The following CCDC88B variants were observed in gnomAD, a reference collection of about 807,000 sequenced individuals.
CCDC88B encodes coiled-coil domain-containing protein 88B.
A neutral mutation model predicts 183.7 loss-of-function variants in CCDC88B; 138 were observed. That is an observed-to-expected ratio of 0.75 (90% CI 0.65 to 0.87). The LOEUF (loss-of-function observed/expected upper bound fraction) is 0.87, where lower values mean the gene tolerates loss of function less well. CCDC88B is among the 40% of genes least tolerant of loss of function. CCDC88B has a pLI of 0.00. For synonymous variants in CCDC88B, 835 were observed against 867.5 expected, an observed-to-expected ratio of 0.96 and a Z score of 0.66; for missense variants, 1,822 against 1,965.6, an observed-to-expected ratio of 0.93 and a Z score of 1.38.
intron 14 of CCDC88B, among the ~76,000 whole-genome samples, chr11:64,346,277 T>C (rs1306065385): frequency 1.3e-5 from 2 of 151,994 alleles, no homozygotes; most frequent in Non-Finnish European, 2.9e-5. Flanking sequence ...CTGGACACTT[T>C]TTTCTTTTTG....
At position 64,344,125 on chromosome 11, in the gene CCDC88B, G is replaced by C. The variant is rs2135306490; in HGVS notation, c.1584G>C (p.Gln528His). Residue 528 changes from glutamine (Q) to histidine (H), a missense_variant, in exon 14 of 27, where the codon CAG becomes CAC. By Grantham distance (24) the Gln-to-His change is conservative (BLOSUM62 0). Coordinates refer to ENST00000356786, the MANE Select transcript of CCDC88B (RefSeq NM_032251.6). This position sits in a 1 kb window ranked among gnomAD's most constrained non-coding sequence, Gnocchi z 4.5. Reference sequence around the variant, plus strand: ...AGAAGGCAAGGGATGGAGGCCCCCAGGCCTTGGACTTGGCTCCCCCGGCAT... The same window carrying C: ...AGAAGGCAAGGGATGGAGGCCCCCACGCCTTGGACTTGGCTCCCCCGGCAT... ...LVQKARDGGPQALDLAPPALD... is the reference protein window; with the variant it reads ...LVQKARDGGPHALDLAPPALD... 1.2e-6 allele frequency: 2 copies of C among 1,613,350 alleles called. No individual in the cohort carries two copies. Among genetic ancestry groups the C allele is most frequent in the East Asian group, 4.5e-5 (2 of 44,858 alleles).
chr11:64,348,158 A>T (rs910717869), intron 14 of CCDC88B, among the ~76,000 whole-genome samples: 5 of 150,766 alleles, frequency 3.3e-5, no homozygotes, highest in Non-Finnish European at 7.4e-5. Context: ...GACCTGTTCC[A>T]TGGGAGGGAA....
intron 20 of CCDC88B, 61 bp downstream of exon 20, chr11:64,352,948 G>C (rs1452181838): frequency 1.9e-5 from 29 of 1,513,156 alleles, no homozygotes; most frequent in Non-Finnish European, 1.5e-5. Flanking sequence ...AGTGGGTTGG[G>C]GGTGTGGGGT....
intron 14 of CCDC88B, 95 bp downstream of exon 14, chr11:64,345,252 C>G: frequency 1.5e-6 from 2 of 1,348,788 alleles, no homozygotes; most frequent in Non-Finnish European, 2.0e-6. Flanking sequence ...AGTGGGTGCC[C>G]AGCACTGAGC....
intron 14 of CCDC88B, chr11:64,348,846 C>T (rs527702960): frequency 3.0e-5 from 18 of 604,324 alleles, no homozygotes; most frequent in South Asian, 1.2e-4. Context: ...AGCATCCTGG[C>T]GCCCCCTGCC....
At chr11:64,345,764 T>C (rs1479022997) in intron 14 of CCDC88B, among the ~76,000 whole-genome samples, 1 of 152,136 alleles carries the variant, frequency 6.6e-6, no homozygotes, top group African/African-American at 2.4e-5. Flanking sequence ...CCCAGCACTT[T>C]GGGAGGCCGA....
intron 8 of CCDC88B, 23 bp from the exon 9 acceptor site, chr11:64,342,271 C>A: frequency 6.4e-7 from 1 of 1,574,434 alleles, no homozygotes; most frequent in Non-Finnish European, 8.6e-7. Flanking sequence ...CCCAGACCCT[C>A]CCTAGACTCC....
intron 24 of CCDC88B, among the ~76,000 whole-genome samples, chr11:64,354,739 T>G (rs2036481116): frequency 1.8e-5 from 1 of 55,232 alleles, no homozygotes; most frequent in African/African-American, 7.4e-5. Context: ...CCCCCTCTTC[T>G]GACCCCCTCC....
In CCDC88B at chr11:64,357,311, A is replaced by G; in HGVS notation, c.*217A>G. 1 of 725,692 alleles carries G rather than the reference A, an allele frequency of 1.4e-6. No individual in the cohort carries two copies. The highest frequency in any genetic ancestry group is 2.5e-6 in the Non-Finnish European group (1 of 392,408). 45.0% of individuals were successfully genotyped at this position (725,692 alleles called of 1,614,324 possible). ...GGGGGGATGGCTGGCCCCCACGAGC[A>G]GCTCCAGGCTGGAGTTCTGGTTCTT... On this transcript the variant is annotated 3_prime_UTR_variant, in exon 27 of 27. Transcript: ENST00000356786.
chr11:64,341,142 C>G lies in CCDC88B; in HGVS notation c.352C>G (p.Pro118Ala). ...GCAGCTGCTGATCCTGTCGCCACCC[C>G]CAGACCTCCAGACATTGGGATTTGA... ...ELQLLILSPPPDLQTLGFDPL... is the reference protein window; with the variant it reads ...ELQLLILSPPADLQTLGFDPL... Residue 118 changes from proline (P) to alanine (A), a missense_variant, in exon 4 of 27, where the codon CCA becomes GCA. Pro to Ala is a conservative substitution (Grantham distance 27, BLOSUM62 -1). Coordinates refer to ENST00000356786, the MANE Select transcript of CCDC88B (RefSeq NM_032251.6). The G allele has an allele frequency of 6.2e-7, 1 of 1,614,132 alleles. No individual in the cohort carries two copies. Among genetic ancestry groups the G allele is most frequent in the Non-Finnish European group, 8.5e-7 (1 of 1,180,014 alleles).
chr11:64,355,405 G>A lies in CCDC88B; in HGVS notation c.4306+5G>A, dbSNP rs1365332725. On this transcript the variant is annotated splice_donor_5th_base_variant and intron_variant, in intron 25 of 26. Coordinates refer to ENST00000356786, the MANE Select transcript of CCDC88B (RefSeq NM_032251.6). ...CGCCCGTCTCCCACAGCAAAGGTGA[G>A]GGACAAGGGTCACTGTACCAGCCAG... The A allele has an allele frequency of 1.3e-5, 20 of 1,592,276 alleles. No individual in the cohort carries two copies. Among genetic ancestry groups the A allele is most frequent in the Non-Finnish European group, 1.6e-5 (19 of 1,170,130 alleles).
At position 64,354,146 on chromosome 11, in the gene CCDC88B, G is replaced by A. The variant is rs987965627; in HGVS notation, c.4075G>A (p.Glu1359Lys). ...LGGPPETELP[E>K]GREADGTGSP... ...GGGCCCCCCGGAGACGGAGCTTCCT[G>A]AGGGCAGGGAGGCAGATGGGACAGG... The change falls in exon 24 of 27, where the codon GAG becomes AAG. Residue 1359 changes from glutamate to lysine, a missense_variant. By Grantham distance (56) the Glu-to-Lys change is moderately conservative. Transcript: ENST00000356786. 1 of 1,370,036 alleles carries A rather than the reference G, an allele frequency of 7.3e-7. No homozygotes were observed. The highest frequency in any genetic ancestry group is 9.5e-7 in the Non-Finnish European group (1 of 1,055,038). 84.9% of individuals were successfully genotyped at this position (1,370,036 alleles called of 1,614,324 possible). A position where few individuals can be genotyped will look rare whatever the true frequency, so the allele number is the denominator to read the frequency against.
chr11:64,353,262 G>A (rs1230244146), intron 21 of CCDC88B, 22 bp downstream of exon 21: 3 of 1,565,728 alleles, frequency 1.9e-6, no homozygotes, highest in Non-Finnish European at 2.6e-6. Context: ...GGGCCGGTGG[G>A]GGTATGGGCG....
chr11:64,342,710 G>A (rs1488191576), intron 10 of CCDC88B, 30 bp downstream of exon 10: 2 of 1,451,606 alleles, frequency 1.4e-6, no homozygotes, highest in Non-Finnish European at 1.8e-6. Context: ...GCGGGGCGGG[G>A]CGTGCGCGAG....
chr11:64,349,974 G>A (rs2036265926), intron 16 of CCDC88B: 2 of 433,492 alleles, frequency 4.6e-6, no homozygotes, highest in East Asian at 7.9e-5. Flanking sequence ...CATCAAGGAA[G>A]CCAGCGATGG....
At chr11:64,350,111 A>G (rs937477352) in intron 16 of CCDC88B, 4 of 194,264 alleles carry the variant, frequency 2.1e-5, no homozygotes, top group South Asian at 2.1e-4. Context: ...ACAGGTGACA[A>G]TAACTAGGTG....
rs774982782 is a variant in CCDC88B, at chr11:64,342,312, G to A, written c.840G>A (p.Leu280=). The A allele has an allele frequency of 1.9e-6, 3 of 1,592,316 alleles. No individual in the cohort carries two copies. Among genetic ancestry groups the A allele is most frequent in the Non-Finnish European group, 2.6e-6 (3 of 1,170,040 alleles). Residue 280 remains leucine, a synonymous_variant, in exon 9 of 27, where the codon CTG becomes CTA. Transcript: ENST00000356786. The part of the protein sequence containing the change: ...LRQELEEKAE[L]LLDSQAEVQG... ...CCTCCAGGGAGGAGAAGGCCGAGCT[G>A]CTGCTAGACTCCCAGGCCGAGGTGC...
Position 64,345,060 on chromosome 11 carries a change from A to G in CCDC88B, c.2519A>G (p.Glu840Gly). 6.5e-7 allele frequency: 1 copy of G among 1,549,574 alleles called. No individual in the cohort carries two copies. ...GGGTCCAGGCTGCGGGCCCAGTCGG[A>G]GGCCGCCGAGGAACGGATGCAGGTG... Reference protein sequence around the residue: ...REGSRLRAQSEAAEERMQVLE... With the variant: ...REGSRLRAQSGAAEERMQVLE... Residue 840 changes from glutamate (E) to glycine (G), a missense_variant, in exon 14 of 27, where the codon GAG becomes GGG. Transcript: ENST00000356786.
At chr11:64,342,869 A>C in intron 10 of CCDC88B, 189 bp downstream of exon 10, 18 of 232,532 alleles carry the variant, frequency 7.7e-5, no homozygotes, top group East Asian at 2.0e-4. Context: ...GGGCAGGTGT[A>C]GGGGAGTGGG....
Sources: gnomAD v4.1 joint callset for allele counts (sites outside exome capture counted in the v4.1 genomes callset) on GRCh38, gnomAD v4.1.1 for gene constraint, Gnocchi (gnomAD v3.1) non-coding constraint, MANE v1.5 for transcripts, NCBI Gene and HGNC (gene_info 2026-07-23, HGNC 2026-07-21) for gene names.